STARD9: variants seen among roughly 807,000 people sequenced by gnomAD.
STARD9 encodes the protein StAR related lipid transfer domain containing 9.
A neutral mutation model predicts 399.8 loss-of-function variants in STARD9; 346 were observed. The ratio of observed to expected loss-of-function variants is 0.87; its 90% CI spans 0.79 to 0.95. The LOEUF is 0.95. Among genes scored for constraint, STARD9 ranks in the 40% least tolerant of loss-of-function variants. The pLI is 0.00. For missense variants in STARD9, 5,832 were observed against 5,667.5 expected (o/e 1.03, Z -0.93); for synonymous variants, 2,203 against 2,143.5 (o/e 1.03, Z -0.77).
At chr15:42,607,738 A>G (rs1173567687) in intron 3 of STARD9, among the ~76,000 whole-genome samples, 2 of 151,970 alleles carry the variant, frequency 1.3e-5, no homozygotes, top group Non-Finnish European at 2.9e-5. Context: ...GGTTTTTCCT[A>G]AATCCCACCT....
chr15:42,615,305 A>G (rs2058940329), intron 3 of STARD9, among the ~76,000 whole-genome samples: 1 of 152,088 alleles, frequency 6.6e-6, no homozygotes, highest in Non-Finnish European at 1.5e-5. Context: ...CACCACACCC[A>G]GCCATGGTCA....
chr15:42,694,631 C>T lies in STARD9; in HGVS notation c.12868C>T (p.Pro4290Ser). 1 of 1,537,182 alleles carries T rather than the reference C, an allele frequency of 6.5e-7. No individual in the cohort carries two copies. Among genetic ancestry groups the T allele is most frequent in the Non-Finnish European group, 8.7e-7 (1 of 1,146,892 alleles). The change falls in exon 24 of 33, where the codon CCC becomes TCC. Residue 4290 changes from proline to serine, a missense_variant. Transcript: ENST00000290607. ...CCCTCAGAAACAACTGAGCCTCCTG[C>T]CCAACAAAGATCTCTTCATCTGGGA... ...LSPQKQLSLL[P>S]NKDLFIWDLD...
intron 26 of STARD9, among the ~76,000 whole-genome samples, chr15:42,705,846 G>A (rs1360911439): frequency 6.6e-6 from 1 of 152,044 alleles, no homozygotes; most frequent in Non-Finnish European, 1.5e-5. Context: ...TCCACCTCCT[G>A]GGTTCAAGCG....
chr15:42,688,375 A>T lies in STARD9; in HGVS notation c.6797A>T (p.Gln2266Leu), dbSNP rs762243061. The change falls in exon 23 of 33, where the codon CAA becomes CTA. Residue 2266 changes from glutamine to leucine, a missense_variant. Transcript: ENST00000290607. ...GCTGAACACGTAAGTAGTTCCAACC[A>T]AGAAGAGCCAAAAGCTCAAGGTAAA... The part of the protein sequence containing the change: ...QVAEHVSSSN[Q>L]EEPKAQGKVE... 1 of 1,537,354 alleles carries T rather than the reference A, an allele frequency of 6.5e-7. No individual in the cohort carries two copies. The highest frequency in any genetic ancestry group is 8.7e-7 in the Non-Finnish European group (1 of 1,146,988).
intron 17 of STARD9, 75 bp downstream of exon 17, chr15:42,674,566 A>G (rs1420431872): frequency 6.5e-6 from 9 of 1,374,088 alleles, no homozygotes; most frequent in Non-Finnish European, 8.0e-6. Context: ...GAGGACTTTG[A>G]TGATGCTCTG....
Position 42,694,602 on chromosome 15 carries a change from T to G in STARD9, c.12839T>G (p.Leu4280Arg). 2 of 1,537,224 alleles carry G rather than the reference T, an allele frequency of 1.3e-6. No individual in the cohort carries two copies. The highest frequency in any genetic ancestry group is 1.7e-6 in the Non-Finnish European group (2 of 1,146,892). The change falls in exon 24 of 33, where the codon CTT becomes CGT. Residue 4280 changes from leucine to arginine, a missense_variant. Leu to Arg is a moderately radical substitution (Grantham distance 102, BLOSUM62 -2). Coordinates refer to ENST00000290607, the MANE Select transcript of STARD9 (RefSeq NM_020759.3). ...RLGNFCRTRS[L>R]SPQKQLSLLP... is the part of the protein sequence containing the mutation. ...GGGAACTTCTGCCGGACGCGAAGCCTTAGCCCTCAGAAACAACTGAGCCTC... is the reference window on the plus strand; with the variant it reads ...GGGAACTTCTGCCGGACGCGAAGCCGTAGCCCTCAGAAACAACTGAGCCTC...
intron 3 of STARD9, among the ~76,000 whole-genome samples, chr15:42,622,280 A>G (rs544314554): frequency 4.6e-5 from 7 of 152,302 alleles, no homozygotes; most frequent in African/African-American, 1.7e-4. Flanking sequence ...AAAACAAAAA[A>G]CAAAGAAAAA....
intron 3 of STARD9, among the ~76,000 whole-genome samples, chr15:42,627,351 T>G (rs1288281668): frequency 6.6e-6 from 1 of 152,160 alleles, no homozygotes; most frequent in Admixed American, 6.6e-5. Flanking sequence ...ATGAGGTACA[T>G]GAGATATTTT....
chr15:42,641,658 G>T, intron 7 of STARD9, among the ~76,000 whole-genome samples: 1 of 151,464 alleles, frequency 6.6e-6, no homozygotes, highest in East Asian at 1.9e-4. Flanking sequence ...AGACTGGAGT[G>T]CAATGGCGCG....
chr15:42,576,468 T>C (rs1265666655), intron 1 of STARD9, among the ~76,000 whole-genome samples: 1 of 151,956 alleles, frequency 6.6e-6, no homozygotes, highest in Admixed American at 6.6e-5. Flanking sequence ...TCAATTAGAG[T>C]TTGTTGACAG....
At chr15:42,707,311 CATT>C (rs760750034) in intron 26 of STARD9, among the ~76,000 whole-genome samples, 4 of 152,140 alleles carry the variant, frequency 2.6e-5, no homozygotes, top group Non-Finnish European at 4.4e-5. Flanking sequence ...TTTATTAAGG[CATT>C]ATTTGAAGTG....
intron 3 of STARD9, among the ~76,000 whole-genome samples, chr15:42,626,404 C>A (rs1044893400): frequency 6.7e-6 from 1 of 149,900 alleles, no homozygotes; most frequent in African/African-American, 2.5e-5. Flanking sequence ...TCCTCCTCCT[C>A]TTCTTCCTCC....
In STARD9 at chr15:42,685,716, A is replaced by G. The variant is rs2060537656; in HGVS notation, c.4138A>G (p.Thr1380Ala). Residue 1380 changes from threonine (T) to alanine (A), a missense_variant, in exon 23 of 33, where the codon ACT (threonine) becomes GCT (alanine). By Grantham distance (58) the Thr-to-Ala change is moderately conservative (BLOSUM62 0). This residue lies in a region of STARD9 where 5,828 missense variants were observed against 5,651.1 expected (regional missense o/e 1.03). Coordinates refer to ENST00000290607, the MANE Select transcript of STARD9 (RefSeq NM_020759.3). ...GGAGAGGCCTGGATACTGGCCAAAT[A>G]CTGAGGAACTAAAGCCATCAGATGC... Reference protein sequence around the residue: ...KGERPGYWPNTEELKPSDAET... With the variant: ...KGERPGYWPNAEELKPSDAET... 1 of 1,537,286 alleles carries G rather than the reference A, an allele frequency of 6.5e-7. No homozygotes were observed. Among genetic ancestry groups the G allele is most frequent in the Admixed American group, 2.0e-5 (1 of 50,986 alleles).
chr15:42,664,648 T>A (rs1348990235), intron 13 of STARD9, among the ~76,000 whole-genome samples: 1 of 152,234 alleles, frequency 6.6e-6, no homozygotes, highest in Non-Finnish European at 1.5e-5. Context: ...GTTACAGGTG[T>A]GGGCCAAAGT....
At chr15:42,661,737 G>C (rs1351190575) in intron 10 of STARD9, among the ~76,000 whole-genome samples, 1 of 151,870 alleles carries the variant, frequency 6.6e-6, no homozygotes, top group East Asian at 1.9e-4. Context: ...GATTACAAGC[G>C]TGAGCCACTG....
intron 26 of STARD9, among the ~76,000 whole-genome samples, chr15:42,709,909 A>G (rs2061173824): frequency 6.6e-6 from 1 of 152,042 alleles, no homozygotes; most frequent in African/African-American, 2.4e-5. Flanking sequence ...TTATTCAACT[A>G]TTTAATTTTT....
Position 42,638,680 on chromosome 15 carries a change from C to T in STARD9, c.447-20C>T, listed in dbSNP as rs2059470042. The T allele has an allele frequency of 6.8e-7, 1 of 1,474,356 alleles. No homozygotes were observed. Among genetic ancestry groups the T allele is most frequent in the Non-Finnish European group, 9.1e-7 (1 of 1,101,344 alleles). 91.3% of individuals were successfully genotyped at this position (1,474,356 alleles called of 1,614,324 possible). On this transcript the variant is annotated intron_variant, in intron 6 of 32. Transcript: ENST00000290607. The stretch of plus-strand genomic sequence containing the variant: ...TTTTTTCAAAATATAATTATGTTGC[C>T]TTTTTCTACTTAACTCTAGTTTTCT...
At position 42,692,062 on chromosome 15, in the gene STARD9, C is replaced by T. The variant is rs1289186515; in HGVS notation, c.10484C>T (p.Ser3495Phe). 1 of 1,537,242 alleles carries T rather than the reference C, an allele frequency of 6.5e-7. No homozygotes were observed. Among genetic ancestry groups the T allele is most frequent in the South Asian group, 1.2e-5 (1 of 84,060 alleles). ...ATGTCTGGCAGTGCAGTCGATGTTT[C>T]CTGCAGCCAGAAGCCCCAGGGGCTG... is the stretch of plus-strand genomic sequence containing the variant. ...QYMSGSAVDV[S>F]CSQKPQGLTL... Residue 3495 changes from serine to phenylalanine, a missense_variant, in exon 23 of 33, where the codon TCC (serine) becomes TTC (phenylalanine). By Grantham distance (155) the Ser-to-Phe change is radical (BLOSUM62 -2). This residue lies in a region of STARD9 where 5,828 missense variants were observed against 5,651.1 expected (regional missense o/e 1.03). Coordinates refer to ENST00000290607, the MANE Select transcript of STARD9 (RefSeq NM_020759.3).
chr15:42,678,542 C>T (rs1265085820), intron 20 of STARD9, among the ~76,000 whole-genome samples: 2 of 152,196 alleles, frequency 1.3e-5, no homozygotes, highest in African/African-American at 4.8e-5. Context: ...GTGCCTAGAG[C>T]CTGGGAGACA....
Sources: gnomAD v4.1 joint callset for allele counts (sites outside exome capture counted in the v4.1 genomes callset) on GRCh38, gnomAD v4.1.1 for gene constraint, gnomAD v4.1.1 regional missense constraint, MANE v1.5 for transcripts, NCBI Gene and HGNC (gene_info 2026-07-23, HGNC 2026-07-21) for gene names.